The following CCSER1 variants were observed in gnomAD, a reference collection of about 807,000 sequenced individuals.
CCSER1 encodes coiled-coil serine rich protein 1.
CCSER1 carries 41 observed loss-of-function variants against 82.0 expected under a neutral mutation model. That is an observed-to-expected ratio of 0.50 (90% CI 0.39 to 0.65). The LOEUF (loss-of-function observed/expected upper bound fraction) is 0.65, where lower values mean the gene tolerates loss of function less well. Ranked by LOEUF, CCSER1 falls within the 30% of genes least tolerant of loss-of-function variation. The pLI is 0.00. For synonymous variants in CCSER1, 414 were observed against 383.9 expected (o/e 1.08, Z -0.92); for missense variants, 1,119 against 1,064.2 (o/e 1.05, Z -0.72).
At chr4:90,856,521 T>TA (rs1764479559) in intron 8 of CCSER1, among the ~76,000 whole-genome samples, 1 of 152,112 alleles carries the variant, frequency 6.6e-6, no homozygotes, top group Admixed American at 6.6e-5. Context: ...TCTGATAAAT[T>TA]AATCCATTCC....
intron 10 of CCSER1, among the ~76,000 whole-genome samples, chr4:91,555,937 C>G (rs1459012157): frequency 6.6e-6 from 1 of 151,084 alleles, no homozygotes. Flanking sequence ...CAATTTTATC[C>G]TGTCACATTG....
At chr4:90,903,864 G>A (rs531376394) in intron 8 of CCSER1, among the ~76,000 whole-genome samples, 6 of 150,724 alleles carry the variant, frequency 4.0e-5, no homozygotes, top group African/African-American at 1.2e-4. Flanking sequence ...GGTAAGACAG[G>A]TAAACATAGT....
chr4:90,933,449 AG>A (rs1730520902), intron 9 of CCSER1, among the ~76,000 whole-genome samples: 1 of 149,962 alleles, frequency 6.7e-6, no homozygotes, highest in African/African-American at 2.4e-5. Context: ...GGCCTCCCCA[AG>A]TGCTGGGATT....
intron 10 of CCSER1, among the ~76,000 whole-genome samples, chr4:91,526,458 C>T (rs1760768642): frequency 6.6e-6 from 1 of 152,162 alleles, no homozygotes; most frequent in Non-Finnish European, 1.5e-5. Context: ...GTTCTCAGGA[C>T]CTCCTGAGGG....
At chr4:91,550,607 G>A (rs767091360) in intron 10 of CCSER1, among the ~76,000 whole-genome samples, 3 of 152,144 alleles carry the variant, frequency 2.0e-5, no homozygotes, top group East Asian at 1.9e-4. Flanking sequence ...ACAGAAGTTC[G>A]TTTTGTAATG....
intron 7 of CCSER1, among the ~76,000 whole-genome samples, chr4:90,784,953 C>T (rs1448847712): frequency 2.6e-5 from 4 of 152,142 alleles, no homozygotes; most frequent in African/African-American, 4.8e-5. Context: ...ATCCTCGTCA[C>T]ATTGAGTGGG....
At chr4:90,441,103 A>C (rs758524593) in intron 4 of CCSER1, among the ~76,000 whole-genome samples, 3 of 152,162 alleles carry the variant, frequency 2.0e-5, no homozygotes, top group Non-Finnish European at 2.9e-5. Context: ...GATGGTTTGA[A>C]ATTTTTCAAC....
chr4:90,921,403 C>T (rs1728364006), intron 8 of CCSER1, among the ~76,000 whole-genome samples: 1 of 151,948 alleles, frequency 6.6e-6, no homozygotes. Flanking sequence ...ATAATTCAAA[C>T]ACATCATTTG....
chr4:90,576,646 C>T (rs182411300), intron 5 of CCSER1, among the ~76,000 whole-genome samples: 4 of 152,134 alleles, frequency 2.6e-5, no homozygotes, highest in African/African-American at 7.2e-5. Context: ...TTACCTCTTT[C>T]GCTTCATAAT....
At chr4:91,296,066 G>C (rs1024298852) in intron 10 of CCSER1, among the ~76,000 whole-genome samples, 4 of 151,710 alleles carry the variant, frequency 2.6e-5, no homozygotes, top group Non-Finnish European at 5.9e-5. Context: ...ATCTTAATTT[G>C]AAATCAGATT....
At chr4:91,174,597 CA>C in intron 10 of CCSER1, among the ~76,000 whole-genome samples, 1 of 152,150 alleles carries the variant, frequency 6.6e-6, no homozygotes, top group African/African-American at 2.4e-5. Context: ...TTTGGACAAA[CA>C]TTTTTACCAA....
intron 10 of CCSER1, among the ~76,000 whole-genome samples, chr4:91,502,925 A>C (rs971980549): frequency 6.6e-6 from 1 of 152,174 alleles, no homozygotes. Context: ...ATCAAAATAT[A>C]TTTATAGCCT....
intron 1 of CCSER1, among the ~76,000 whole-genome samples, chr4:90,128,065 A>G (rs1578104123): frequency 1.3e-5 from 2 of 151,976 alleles, no homozygotes; most frequent in Non-Finnish European, 2.9e-5. Context: ...CGCGACTCCC[A>G]GTGCGCCGCG....
At chr4:91,205,529 AT>A (rs1736272660) in intron 10 of CCSER1, among the ~76,000 whole-genome samples, 1 of 151,746 alleles carries the variant, frequency 6.6e-6, no homozygotes, top group Admixed American at 6.6e-5. Flanking sequence ...ATGATGGGAC[AT>A]TGAAGAGAGT....
chr4:90,870,090 T>C (rs1766259322), intron 8 of CCSER1, among the ~76,000 whole-genome samples: 1 of 151,956 alleles, frequency 6.6e-6, no homozygotes, highest in African/African-American at 2.4e-5. Flanking sequence ...TGATTGTTTT[T>C]AGTGGAATCT....
intron 6 of CCSER1, among the ~76,000 whole-genome samples, chr4:90,698,830 T>C (rs902223047): frequency 6.6e-6 from 1 of 152,124 alleles, no homozygotes; most frequent in Non-Finnish European, 1.5e-5. Flanking sequence ...GTTGATTGGA[T>C]AATTTGACTC....
intron 10 of CCSER1, among the ~76,000 whole-genome samples, chr4:91,134,431 A>AC (rs1037590894): frequency 1.3e-5 from 2 of 150,242 alleles, no homozygotes; most frequent in Admixed American, 6.6e-5. Context: ...CAAAAAAAAA[A>AC]CAAAAACAAA....
rs188656963 is a variant in CCSER1 at position 91,011,231 on chromosome 4, G to C, written c.2173-74719G>C. ...TGCCTCTGTGGCCTAGGTTGTAGCA[G>C]TTTGTGGTGGCAGTGGTAGCATAGG... On this transcript the variant is annotated intron_variant, in intron 9 of 10. Coordinates refer to ENST00000509176, the MANE Select transcript of CCSER1 (RefSeq NM_001145065.2). 1.5e-5 allele frequency among the ~76,000 whole-genome samples: 2 copies of C among 134,630 alleles called. 1 individual carries two copies. The highest frequency in any genetic ancestry group is 1.5e-4 in the Admixed American group (2 of 13,538). 88.3% of individuals were successfully genotyped at this position (134,630 alleles called of 152,430 possible). A position where few individuals can be genotyped will look rare whatever the true frequency, so the allele number is the denominator to read the frequency against.
chr4:90,642,045 T>C (rs1726637523), intron 6 of CCSER1: 1 of 273,280 alleles, frequency 3.7e-6, no homozygotes, highest in Admixed American at 3.3e-5. Context: ...AGCTGCAACA[T>C]AACAGGTATA....
Sources: allele counts gnomAD v4.1 joint callset (sites outside exome capture counted in the v4.1 genomes callset), GRCh38; gene constraint gnomAD v4.1.1; transcripts MANE v1.5; gene names NCBI Gene and HGNC (gene_info 2026-07-23, HGNC 2026-07-21).